The following AXIN1 variants were observed in gnomAD, a reference collection of about 807,000 sequenced individuals.
AXIN1 encodes the protein axin-1.
AXIN1 carries 30 observed loss-of-function variants against 76.4 expected under a neutral mutation model. The observed-to-expected ratio is 0.39, with a 90% CI of 0.29 to 0.53. The LOEUF is 0.53. Ranked by LOEUF, AXIN1 falls within the 20% of genes least tolerant of loss-of-function variation. The pLI is 0.66. For missense variants in AXIN1, 1,140 were observed against 1,198.8 expected (o/e 0.95, Z 0.72); for synonymous variants, 545 against 501.4 (o/e 1.09, Z -1.16).
At chr16:313,256 C>G (rs548023673) in intron 3 of AXIN1, among the ~76,000 whole-genome samples, 1 of 152,326 alleles carries the variant, frequency 6.6e-6, no homozygotes, top group South Asian at 2.1e-4. Context: ...AAGCCAAGAT[C>G]GCACCATTGC....
At chr16:291,823 G>A (rs1268118507) in intron 8 of AXIN1, 2 of 205,136 alleles carry the variant, frequency 9.7e-6, no homozygotes, top group South Asian at 1.5e-4. Flanking sequence ...GACCTTGATG[G>A]TGGTTTCTAC....
rs2052448375 is a variant in AXIN1 at position 288,381 on chromosome 16, G to A, written c.2463-133C>T. 3.7e-6 allele frequency: 5 copies of A among 1,336,932 alleles called. No homozygotes were observed. In the South Asian group the frequency reaches 4.9e-5, roughly 13 times the overall value. The allele number at this position is 1,336,932 out of a possible 1,614,324, so 82.8% of individuals were successfully genotyped here. On this transcript the variant is annotated intron_variant, in intron 10 of 10. Transcript: ENST00000262320. ...CCATGCCCCACGGCCCCCACTGCAT[G>A]TGCGCCCCCTCCCAGGGCAACAGTG... is the stretch of plus-strand genomic sequence containing the variant.
At chr16:345,714 CAAA>C (rs57841611) in intron 2 of AXIN1, among the ~76,000 whole-genome samples, 2 of 130,428 alleles carry the variant, frequency 1.5e-5, no homozygotes, top group African/African-American at 2.8e-5. Context: ...AACTCCGTCT[CAAA>C]AAAAAAAAAA....
intron 3 of AXIN1, among the ~76,000 whole-genome samples, chr16:313,289 G>T (rs1333067645): frequency 6.6e-6 from 1 of 152,178 alleles, no homozygotes; most frequent in Non-Finnish European, 1.5e-5. Flanking sequence ...GTGACAGTGA[G>T]ATCCTGTCTC....
intron 3 of AXIN1, among the ~76,000 whole-genome samples, chr16:313,023 T>A (rs2053218312): frequency 6.7e-6 from 1 of 150,330 alleles, no homozygotes; most frequent in Non-Finnish European, 1.5e-5. Context: ...AAAATAATCA[T>A]CATCATCAGC....
At chr16:333,922 C>A (rs11862285) in intron 2 of AXIN1, among the ~76,000 whole-genome samples, 8,633 of 151,534 alleles carry the variant, frequency 0.057, 283 homozygotes, top group Middle Eastern at 0.075. Context: ...GCCCATAACA[C>A]AGCACCCAGT....
At chr16:321,703 G>A (rs917786579) in intron 2 of AXIN1, among the ~76,000 whole-genome samples, 28 of 151,932 alleles carry the variant, frequency 1.8e-4, no homozygotes, top group Admixed American at 3.9e-4. Context: ...GGTAGAAGGC[G>A]GATGCCAACC....
intron 2 of AXIN1, among the ~76,000 whole-genome samples, chr16:336,112 G>C (rs1032351880): frequency 2.6e-5 from 4 of 152,208 alleles, no homozygotes; most frequent in Non-Finnish European, 5.9e-5. Flanking sequence ...ATGCACGCCT[G>C]TAATCCCAGC....
intron 3 of AXIN1, among the ~76,000 whole-genome samples, chr16:312,517 T>C (rs1303624079): frequency 6.6e-6 from 1 of 152,224 alleles, no homozygotes; most frequent in Non-Finnish European, 1.5e-5. Flanking sequence ...GGAAACCAGA[T>C]GCTAGGATGC....
At chr16:316,817 G>A (rs899021197) in intron 2 of AXIN1, among the ~76,000 whole-genome samples, 3 of 152,176 alleles carry the variant, frequency 2.0e-5, no homozygotes, top group Admixed American at 2.0e-4. Context: ...TTGATCAGAG[G>A]TGTGTTCCCA....
At chr16:323,911 C>T (rs2053520913) in intron 2 of AXIN1, among the ~76,000 whole-genome samples, 1 of 152,160 alleles carries the variant, frequency 6.6e-6, no homozygotes, top group African/African-American at 2.4e-5. Context: ...AAGGTGTCAA[C>T]TGCGACAGGG....
chr16:332,808 T>C (rs1289753362), intron 2 of AXIN1, among the ~76,000 whole-genome samples: 1 of 151,970 alleles, frequency 6.6e-6, no homozygotes, highest in South Asian at 2.1e-4. Flanking sequence ...TCACTCTAAA[T>C]GGTCCAAAAT....
rs2141546956 is a variant in AXIN1, at chr16:304,417, C to A, written c.1141G>T (p.Val381Phe). The A allele has an allele frequency of 6.2e-7, 1 of 1,612,742 alleles. No individual in the cohort carries two copies. Among genetic ancestry groups the A allele is most frequent in the Non-Finnish European group, 8.5e-7 (1 of 1,179,970 alleles). The change falls in exon 5 of 11, where the codon GTC becomes TTC. Residue 381 changes from valine to phenylalanine, a missense_variant. Around this residue, in one of 3 missense-constraint regions of AXIN1, gnomAD observed 708 missense variants for 776.9 expected, o/e 0.91. Coordinates refer to ENST00000262320, the MANE Select transcript of AXIN1 (RefSeq NM_003502.4). Reference sequence around the variant, plus strand: ...GCGAACTTCTGAGGCTCCACGCGGACCTCCTTCGGCACCCGGTACGTGCGC... The same window carrying A: ...GCGAACTTCTGAGGCTCCACGCGGAACTCCTTCGGCACCCGGTACGTGCGC... Reference protein sequence around the residue: ...IPRTYRVPKEVRVEPQKFAEE... With the variant: ...IPRTYRVPKEFRVEPQKFAEE...
At chr16:325,425 C>A (rs1355554223) in intron 2 of AXIN1, among the ~76,000 whole-genome samples, 2 of 152,218 alleles carry the variant, frequency 1.3e-5, no homozygotes, top group Non-Finnish European at 2.9e-5. Context: ...TGCCAGGATG[C>A]ACCACGGTGT....
rs2141486601 is a variant in AXIN1, at chr16:293,647, C to G, written c.2027G>C (p.Gly676Ala). The G allele has an allele frequency of 6.2e-7, 1 of 1,613,598 alleles. No individual in the cohort carries two copies. Among genetic ancestry groups the G allele is most frequent in the Non-Finnish European group, 8.5e-7 (1 of 1,180,002 alleles). The change falls in exon 8 of 11, where the codon GGC becomes GCC. Residue 676 changes from glycine to alanine, a missense_variant. Physicochemically the swap from Gly to Ala is moderately conservative, Grantham distance 60. Around this residue, in one of 3 missense-constraint regions of AXIN1, gnomAD observed 429 missense variants for 405.8 expected, o/e 1.06. Transcript: ENST00000262320. This position sits in a 1 kb window ranked among gnomAD's most constrained non-coding sequence, Gnocchi z 4.6. ...RPLSLEHPWA[G>A]PQLRTSVQPS... ...CTGCACGGAGGTCCGGAGCTGAGGG[C>G]CGGCCCAGGGGTGCTCAAGGGACAA...
intron 2 of AXIN1, among the ~76,000 whole-genome samples, chr16:323,437 T>C (rs1347218819): frequency 1.6e-5 from 1 of 61,572 alleles, no homozygotes; most frequent in Non-Finnish European, 2.8e-5. Context: ...AGACTCCGTC[T>C]CAAAAAAAAA....
At chr16:297,652 G>A in intron 6 of AXIN1, 70 bp downstream of exon 6, 2 of 1,475,608 alleles carry the variant, frequency 1.4e-6, no homozygotes, top group Non-Finnish European at 1.8e-6. Context: ...GTTTTATGAG[G>A]AGGTTCTGGC....
intron 2 of AXIN1, among the ~76,000 whole-genome samples, chr16:342,958 G>A (rs958689414): frequency 2.0e-5 from 3 of 152,248 alleles, no homozygotes; most frequent in African/African-American, 7.2e-5. Flanking sequence ...ACACCTGGCA[G>A]GACAAAGAGA....
intron 7 of AXIN1, among the ~76,000 whole-genome samples, chr16:294,575 T>C (rs138454570): frequency 0.019 from 2,787 of 148,744 alleles, 96 homozygotes; most frequent in African/African-American, 0.064. Flanking sequence ...GCCAACATGG[T>C]GAAACCCTGT....
Sources: allele counts gnomAD v4.1 joint callset (sites outside exome capture counted in the v4.1 genomes callset), GRCh38; gene constraint gnomAD v4.1.1; regional missense constraint gnomAD v4.1.1; non-coding constraint Gnocchi (gnomAD v3.1); transcripts MANE v1.5; gene names NCBI Gene and HGNC (gene_info 2026-07-23, HGNC 2026-07-21).